GBP6: variants seen among roughly 807,000 people sequenced by gnomAD.
GBP6 encodes the protein guanylate-binding protein 6.
In GBP6, 54 loss-of-function variants were observed where a neutral mutation model predicts 61.5. That is an observed-to-expected ratio of 0.88 (90% CI 0.71 to 1.10). GBP6 has a LOEUF of 1.10. Among genes scored for constraint, GBP6 ranks in the 50% least tolerant of loss-of-function variants. The pLI is 0.00. For missense variants in GBP6, 748 were observed against 752.8 expected (o/e 0.99, Z 0.07); for synonymous variants, 255 against 273.7 (o/e 0.93, Z 0.67).
chr1:89,383,647 CA>C lies in GBP6; in HGVS notation c.1366-4del, dbSNP rs1423482504. ...AAATCTAAGTGCTTTTTCTTCCTTCCATAGGCAAAAGAGGTCTTCCAGAGGT... is the reference window on the plus strand; with the variant it reads ...AAATCTAAGTGCTTTTTCTTCCTTCCTAGGCAAAAGAGGTCTTCCAGAGGT... On this transcript the variant is annotated splice_polypyrimidine_tract_variant and splice_region_variant and intron_variant, in intron 8 of 10. Transcript: ENST00000370456. The C allele has an allele frequency of 1.2e-5, 19 of 1,590,882 alleles. No individual in the cohort carries two copies. The highest frequency in any genetic ancestry group is 1.6e-5 in the Non-Finnish European group (19 of 1,168,786).
At chr1:89,381,660 C>G in intron 6 of GBP6, 34 bp from the exon 7 acceptor site, 3 of 1,564,864 alleles carry the variant, frequency 1.9e-6, no homozygotes, top group Non-Finnish European at 2.6e-6. Context: ...GCTTTAATTT[C>G]ATATTTAGCC....
chr1:89,377,417 C>T (rs1323721361), intron 3 of GBP6, among the ~76,000 whole-genome samples: 1 of 152,074 alleles, frequency 6.6e-6, no homozygotes, highest in African/African-American at 2.4e-5. Context: ...ACATTCAGCT[C>T]GTGACTTCCA....
In GBP6 at chr1:89,381,927, G is replaced by A. The variant is rs772532640; in HGVS notation, c.1105G>A (p.Glu369Lys). 5.0e-6 allele frequency: 8 copies of A among 1,613,828 alleles called. No individual in the cohort carries two copies. Among genetic ancestry groups the A allele is most frequent in the Non-Finnish European group, 6.8e-6 (8 of 1,179,758 alleles). ...GAGGGAAGCCATTGCAATCTTCATG[G>A]AGCACTCCTTCAAGGATGAAAATCA... is the stretch of plus-strand genomic sequence containing the variant. ...CEREAIAIFMEHSFKDENQEF... is the reference protein window; with the variant it reads ...CEREAIAIFMKHSFKDENQEF... Residue 369 changes from glutamate (E) to lysine (K), a missense_variant, in exon 7 of 11, where the codon GAG (glutamate) becomes AAG (lysine). By Grantham distance (56) the Glu-to-Lys change is moderately conservative (BLOSUM62 1). Transcript: ENST00000370456.
intron 1 of GBP6, among the ~76,000 whole-genome samples, chr1:89,367,562 A>G (rs900561533): frequency 1.3e-5 from 2 of 152,192 alleles, no homozygotes; most frequent in African/African-American, 4.8e-5. Context: ...GTTCTATCAG[A>G]AACATGATTT....
Position 89,381,953 on chromosome 1 carries a change from G to A in GBP6, c.1131G>A (p.Gln377=), listed in dbSNP as rs752318810. 8.7e-6 allele frequency: 14 copies of A among 1,609,608 alleles called. No individual in the cohort carries two copies. The South Asian group carries it at 1.5e-4, about 18-fold the overall frequency. Residue 377 remains glutamine, a synonymous_variant, in exon 7 of 11, where the codon CAG becomes CAA. Transcript: ENST00000370456. ...FMEHSFKDEN[Q]EFQKKFMETT... ...AGCACTCCTTCAAGGATGAAAATCA[G>A]GAATTCCAGAAGAAGTTCATGGTAA...
chr1:89,382,968 G>A (rs1653024793), intron 8 of GBP6, 92 bp downstream of exon 8: 1 of 744,142 alleles, frequency 1.3e-6, no homozygotes, highest in African/African-American at 1.7e-5. Flanking sequence ...CAGAGGGATA[G>A]CATAACGCCT....
At chr1:89,380,361 T>C (rs1352844559) in intron 5 of GBP6, 25 bp from the exon 6 acceptor site, 5 of 1,489,486 alleles carry the variant, frequency 3.4e-6, no homozygotes, top group East Asian at 2.4e-5. Flanking sequence ...TTTCACTATA[T>C]TCTCTGTTTT....
intron 1 of GBP6, among the ~76,000 whole-genome samples, chr1:89,364,886 C>A (rs966400964): frequency 6.6e-6 from 1 of 151,570 alleles, no homozygotes; most frequent in Admixed American, 6.6e-5. Context: ...ACCTATCAAT[C>A]CGTCATCTAG....
intron 5 of GBP6, among the ~76,000 whole-genome samples, chr1:89,379,539 T>A (rs898777833): frequency 1.3e-4 from 20 of 152,228 alleles, no homozygotes; most frequent in African/African-American, 4.6e-4. Context: ...ATCTGTGCCT[T>A]TTCAAAATTT....
At chr1:89,379,802 A>T (rs1411739091) in intron 5 of GBP6, among the ~76,000 whole-genome samples, 1 of 152,258 alleles carries the variant, frequency 6.6e-6, no homozygotes, top group East Asian at 1.9e-4. Context: ...CAAATCGAAT[A>T]CAGTCTTTTA....
intron 5 of GBP6, 127 bp downstream of exon 5, chr1:89,378,740 G>T: frequency 1.4e-6 from 1 of 702,396 alleles, no homozygotes; most frequent in East Asian, 2.7e-5. Flanking sequence ...GGGGACTGAG[G>T]GGTATGTTGA....
At chr1:89,380,750 C>T (rs1237507574) in intron 6 of GBP6, 119 bp downstream of exon 6, 2 of 847,962 alleles carry the variant, frequency 2.4e-6, no homozygotes, top group Middle Eastern at 2.4e-4. Flanking sequence ...CAGGTATTCA[C>T]ACTCAGTGAA....
chr1:89,369,402 CA>C, intron 2 of GBP6, 143 bp from the exon 3 acceptor site: 1 of 976,462 alleles, frequency 1.0e-6, no homozygotes, highest in South Asian at 2.4e-5. Flanking sequence ...AGATTATTCA[CA>C]AAGTAAGCCA....
At chr1:89,382,003 C>A (rs148538300) in intron 7 of GBP6, 29 bp downstream of exon 7, 167 of 1,565,432 alleles carry the variant, frequency 1.1e-4, no homozygotes, top group Middle Eastern at 3.4e-4. Flanking sequence ...TACTGTTCAT[C>A]ATCCTTCCCC....
rs1381017072 is a variant in GBP6 at position 89,381,723 on chromosome 1, G to A, written c.901G>A (p.Glu301Lys). ...GGGAACTCTGGCAGTGACTTATGTA[G>A]AGGCCATCAACAGTGGAGCAGTGCC... ...RLGTLAVTYV[E>K]AINSGAVPCL... Residue 301 changes from glutamate to lysine, a missense_variant, in exon 7 of 11, where the codon GAG becomes AAG. Glu to Lys is a moderately conservative substitution (Grantham distance 56). Coordinates refer to ENST00000370456, the MANE Select transcript of GBP6 (RefSeq NM_198460.3). 1.2e-6 allele frequency: 2 copies of A among 1,613,574 alleles called. No individual in the cohort carries two copies. Among genetic ancestry groups the A allele is most frequent in the East Asian group, 2.2e-5 (1 of 44,862 alleles).
At chr1:89,365,022 G>A (rs1308470960) in intron 1 of GBP6, among the ~76,000 whole-genome samples, 8 of 33,342 alleles carry the variant, frequency 2.4e-4, no homozygotes, top group East Asian at 1.5e-3. Flanking sequence ...CCCGCCGCCC[G>A]TGTCCACATG....
chr1:89,378,678 T>A, intron 5 of GBP6, 65 bp downstream of exon 5: 1 of 1,257,296 alleles, frequency 8.0e-7, no homozygotes, highest in Non-Finnish European at 1.1e-6. Context: ...ACACTGCCCA[T>A]CATCTCTGGG....
At chr1:89,367,710 C>A (rs1652503401) in intron 1 of GBP6, among the ~76,000 whole-genome samples, 1 of 152,028 alleles carries the variant, frequency 6.6e-6, no homozygotes, top group Non-Finnish European at 1.5e-5. Flanking sequence ...TGATATCATA[C>A]ACAAGAAATC....
chr1:89,378,341 G>A (rs1652864651), intron 4 of GBP6, 76 bp from the exon 5 acceptor site: 1 of 1,534,698 alleles, frequency 6.5e-7, no homozygotes, highest in African/African-American at 1.4e-5. Context: ...AGACAAAAGA[G>A]AGTGTTTATA....
Sources: allele counts gnomAD v4.1 joint callset (sites outside exome capture counted in the v4.1 genomes callset), GRCh38; gene constraint gnomAD v4.1.1; transcripts MANE v1.5; gene names NCBI Gene and HGNC (gene_info 2026-07-23, HGNC 2026-07-21).